The following GALNT7 variants were observed in gnomAD, a reference collection of about 807,000 sequenced individuals.
GALNT7 encodes the protein polypeptide N-acetylgalactosaminyltransferase 7.
In GALNT7, 60 loss-of-function variants were observed where a neutral mutation model predicts 82.1. The ratio of observed to expected loss-of-function variants is 0.73; its 90% CI spans 0.59 to 0.91. The LOEUF is 0.91. Among genes scored for constraint, GALNT7 ranks in the 40% least tolerant of loss-of-function variants. The pLI is 0.00. For synonymous variants in GALNT7, 243 were observed against 275.1 expected (o/e 0.88, Z 1.15); for missense variants, 660 against 804.2 (o/e 0.82, Z 2.17).
intron 1 of GALNT7, among the ~76,000 whole-genome samples, chr4:173,235,261 C>T (rs1008436563): frequency 6.6e-6 from 1 of 152,182 alleles, no homozygotes. Flanking sequence ...GCTATTAACT[C>T]ACTTTTTACT....
rs1580021792 is a variant in GALNT7 at position 173,318,573 on chromosome 4, T to TCTG, written c.1836+14_1836+15insCTG. On this transcript the variant is annotated intron_variant, in intron 11 of 11. Transcript: ENST00000265000. The stretch of plus-strand genomic sequence containing the variant: ...CAGTACTTCAAGGTATTCTGCATTT[T>TCTG]AACTTCTGAAATATTATATGCTTTT... 6.8e-7 allele frequency: 1 copy of TCTG among 1,473,798 alleles called. No homozygotes were observed. The allele number at this position is 1,473,798 out of a possible 1,614,324, so 91.3% of individuals were successfully genotyped here. A position where few individuals can be genotyped will look rare whatever the true frequency, so the allele number is the denominator to read the frequency against.
chr4:173,269,933 G>A (rs986035327), intron 2 of GALNT7, among the ~76,000 whole-genome samples: 1 of 152,182 alleles, frequency 6.6e-6, no homozygotes, highest in Non-Finnish European at 1.5e-5. Context: ...TTCATATCCA[G>A]TAAAACTAGA....
chr4:173,270,615 A>G (rs1735687920), intron 2 of GALNT7, among the ~76,000 whole-genome samples: 1 of 152,204 alleles, frequency 6.6e-6, no homozygotes, highest in Admixed American at 6.5e-5. Context: ...CAAAAGATAT[A>G]ATTTTTCCTC....
intron 1 of GALNT7, among the ~76,000 whole-genome samples, chr4:173,246,622 G>A (rs943141185): frequency 2.0e-5 from 3 of 152,074 alleles, no homozygotes; most frequent in African/African-American, 4.8e-5. Flanking sequence ...AAGACTTAGC[G>A]ATCCCTTGAC....
chr4:173,312,045 G>A (rs989111554), intron 8 of GALNT7, among the ~76,000 whole-genome samples: 4 of 152,138 alleles, frequency 2.6e-5, no homozygotes, highest in African/African-American at 4.8e-5. Flanking sequence ...ATTTGTTTGT[G>A]TATTATCTAC....
intron 2 of GALNT7, among the ~76,000 whole-genome samples, chr4:173,258,627 G>T (rs1452520928): frequency 6.6e-6 from 1 of 152,128 alleles, no homozygotes; most frequent in Non-Finnish European, 1.5e-5. Context: ...ACTATCTCCT[G>T]TGCTTATAAC....
chr4:173,247,284 T>A (rs1441608974), intron 1 of GALNT7, among the ~76,000 whole-genome samples: 1 of 151,372 alleles, frequency 6.6e-6, no homozygotes, highest in Non-Finnish European at 1.5e-5. Flanking sequence ...CCCTTTACTG[T>A]GAATGAATAT....
At chr4:173,270,581 A>G (rs1212060866) in intron 2 of GALNT7, among the ~76,000 whole-genome samples, 1 of 152,206 alleles carries the variant, frequency 6.6e-6, no homozygotes, top group African/African-American at 2.4e-5. Context: ...AGGATTTCTA[A>G]GGTTTTTGAT....
chr4:173,205,936 C>T (rs1186400265), intron 1 of GALNT7, among the ~76,000 whole-genome samples: 1 of 152,030 alleles, frequency 6.6e-6, no homozygotes, highest in Non-Finnish European at 1.5e-5. Context: ...GACAGCCTGC[C>T]AGGCTAGCCT....
intron 2 of GALNT7, among the ~76,000 whole-genome samples, chr4:173,257,253 C>G (rs1735075551): frequency 1.3e-5 from 2 of 152,262 alleles, no homozygotes; most frequent in Admixed American, 1.3e-4. Flanking sequence ...TAAGGCAAGT[C>G]ATTGGAGAGA....
intron 1 of GALNT7, among the ~76,000 whole-genome samples, chr4:173,177,291 T>C (rs1345279035): frequency 1.3e-5 from 2 of 152,128 alleles, no homozygotes; most frequent in East Asian, 3.9e-4. Flanking sequence ...GTTATATAGA[T>C]TTGGGGGCTG....
At chr4:173,318,618 C>T (rs1487507681) in intron 11 of GALNT7, 59 bp downstream of exon 11, 5 of 1,060,480 alleles carry the variant, frequency 4.7e-6, no homozygotes, top group Non-Finnish European at 7.1e-6. Flanking sequence ...TAACATCTAG[C>T]ATGTGGAATT....
chr4:173,222,413 AG>A (rs1009874943), intron 1 of GALNT7, among the ~76,000 whole-genome samples: 8 of 152,168 alleles, frequency 5.3e-5, no homozygotes, highest in African/African-American at 1.9e-4. Flanking sequence ...CTAGGATTAC[AG>A]GTGTCCACCA....
chr4:173,251,128 G>T (rs1734833221), intron 2 of GALNT7, among the ~76,000 whole-genome samples: 2 of 152,182 alleles, frequency 1.3e-5, no homozygotes, highest in African/African-American at 4.8e-5. Context: ...TGACAAGTAG[G>T]AACTCAGTAG....
At position 173,226,926 on chromosome 4, in the gene GALNT7, A is replaced by T. The variant is rs190607168; in HGVS notation, c.127-21054A>T. On this transcript the variant is annotated intron_variant, in intron 1 of 11. Transcript: ENST00000265000. ...TAAATATGTTTGTTCTATAGTTTTT[A>T]AAAAATAAATCATTTCTGAGTATGT... is the stretch of plus-strand genomic sequence containing the variant. Among the ~76,000 whole-genome samples the T allele has an allele frequency of 3.3e-3, 500 of 152,326 alleles. 1 individual carries two copies. The highest frequency in any genetic ancestry group is 0.011 in the African/African-American group (477 of 41,566).
rs905365866 is a variant in GALNT7, at chr4:173,248,448, C to T, written c.587+8C>T. Reference sequence around the variant, plus strand: ...TGACTTACGCCAAGAAGAGTAAGCACACATCCTCTTCTTTCTAAAAATGGG... The same window carrying T: ...TGACTTACGCCAAGAAGAGTAAGCATACATCCTCTTCTTTCTAAAAATGGG... On this transcript the variant is annotated splice_region_variant and intron_variant, in intron 2 of 11. Transcript: ENST00000265000. 6.5e-6 allele frequency: 10 copies of T among 1,529,018 alleles called. No individual in the cohort carries two copies. In the Admixed American group the frequency reaches 8.8e-5, roughly 13 times the overall value. The allele number at this position is 1,529,018 out of a possible 1,614,324, so 94.7% of individuals were successfully genotyped here.
chr4:173,298,481 A>G, intron 6 of GALNT7, 184 bp downstream of exon 6: 1 of 522,782 alleles, frequency 1.9e-6, no homozygotes, highest in South Asian at 2.9e-5. Context: ...AATTGCTTTT[A>G]CCCTAAATGT....
chr4:173,237,611 C>G (rs942413357), intron 1 of GALNT7, among the ~76,000 whole-genome samples: 1 of 152,014 alleles, frequency 6.6e-6, no homozygotes, highest in African/African-American at 2.4e-5. Flanking sequence ...GTTTGGAAAT[C>G]ATTATATGGT....
chr4:173,303,379 T>G (rs1737029245), intron 7 of GALNT7, among the ~76,000 whole-genome samples: 2 of 152,030 alleles, frequency 1.3e-5, no homozygotes, highest in South Asian at 4.1e-4. Flanking sequence ...GGAGCAAACT[T>G]TGGCAGAATC....
Sources: allele counts gnomAD v4.1 joint callset (sites outside exome capture counted in the v4.1 genomes callset), GRCh38; gene constraint gnomAD v4.1.1; transcripts MANE v1.5; gene names NCBI Gene and HGNC (gene_info 2026-07-23, HGNC 2026-07-21).